Variants in ATRX observed in about 807,000 individuals in gnomAD.
ATRX encodes chromatin remodeler ATRX.
A neutral mutation model predicts 172.6 loss-of-function variants in ATRX; 12 were observed. That is an observed-to-expected ratio of 0.07 (90% CI 0.04 to 0.11). The LOEUF (loss-of-function observed/expected upper bound fraction) is 0.11. Among genes scored for constraint, ATRX ranks in the 10% least tolerant of loss-of-function variants. The pLI is 1.00. For missense variants in ATRX, 1,368 were observed against 1,767.4 expected (o/e 0.77, Z 4.05); for synonymous variants, 674 against 594.7 (o/e 1.13, Z -1.94).
chrX:77,652,549 C>G (rs1417310667), intron 14 of ATRX, among the ~76,000 whole-genome samples, 196 bp from the exon 15 acceptor site: 2 of 107,301 alleles, frequency 1.9e-5, no homozygotes, highest in Non-Finnish European at 3.8e-5. Context: ...CACCTATAAT[C>G]CCAGCACTTT....
intron 25 of ATRX, chrX:77,596,541 T>G (rs2066473959): frequency 9.0e-6 from 1 of 110,949 alleles, no homozygotes; most frequent in African/African-American, 3.3e-5. Flanking sequence ...ACAAATGACT[T>G]ATATTTGACT....
chrX:77,683,431 G>A lies in ATRX; in HGVS notation c.1825C>T (p.Pro609Ser), dbSNP rs186742436. The A allele has an allele frequency of 8.3e-7, 1 of 1,209,534 alleles. No homozygotes were observed. The highest frequency in any genetic ancestry group is 1.8e-5 in the South Asian group (1 of 56,940). The change falls in exon 9 of 35, where the codon CCA becomes TCA. Residue 609 changes from proline (P) to serine (S), a missense_variant. Physicochemically the swap from Pro to Ser is moderately conservative, Grantham distance 74. Transcript: ENST00000373344. ...PIKGADCQEV[P>S]QDKDGYKSCG... Reference sequence around the variant, plus strand: ...CTTTTATAGCCATCTTTATCTTGTGGAACTTCCTGACAATCAGCACCTTTA... The same window carrying A: ...CTTTTATAGCCATCTTTATCTTGTGAAACTTCCTGACAATCAGCACCTTTA...
intron 10 of ATRX, chrX:77,675,595 C>G (rs1341728023): frequency 9.0e-6 from 1 of 111,078 alleles, no homozygotes; most frequent in Non-Finnish European, 1.9e-5. Context: ...CCCAGCCACC[C>G]CTTACTTAAG....
chrX:77,662,292 C>T (rs45460899), intron 12 of ATRX, among the ~76,000 whole-genome samples: 4,134 of 111,483 alleles, frequency 0.037, 111 homozygotes, highest in African/African-American at 0.1. Flanking sequence ...CCTCAATGCC[C>T]ACCATACTGC....
intron 12 of ATRX, among the ~76,000 whole-genome samples, chrX:77,662,150 T>C (rs1177346205): frequency 1.8e-5 from 2 of 111,722 alleles, no homozygotes; most frequent in Admixed American, 1.9e-4. Context: ...TATAATTACG[T>C]TACACAAAAT....
At chrX:77,602,678 A>G (rs2066725950) in intron 22 of ATRX, among the ~76,000 whole-genome samples, 1 of 110,052 alleles carries the variant, frequency 9.1e-6, no homozygotes, top group African/African-American at 3.3e-5. Context: ...GGTTATTTAG[A>G]TATATGTTGT....
chrX:77,740,815 A>T (rs2064925265), intron 1 of ATRX, among the ~76,000 whole-genome samples: 1 of 110,760 alleles, frequency 9.0e-6, no homozygotes, highest in Non-Finnish European at 1.9e-5. Context: ...GGAGGAAAAA[A>T]ATTAAAACAA....
chrX:77,594,055 A>G (rs1350882925), intron 25 of ATRX: 1 of 361,784 alleles, frequency 2.8e-6, no homozygotes, highest in African/African-American at 2.6e-5. Flanking sequence ...AGCTCTAGAT[A>G]GAAAAAGAGA....
chrX:77,720,916 A>C (rs1184994400), intron 1 of ATRX, among the ~76,000 whole-genome samples: 4 of 111,952 alleles, frequency 3.6e-5, no homozygotes, highest in African/African-American at 1.3e-4. Context: ...ACATCGATGC[A>C]AAAATCCTCA....
Position 77,682,054 on chromosome X carries a change from T to C in ATRX, c.3202A>G (p.Thr1068Ala), listed in dbSNP as rs2148579375. ...DELSDYAEKS[T>A]GKGDSCDSSE... ...GAGTCACAACTATCTCCTTTCCCTG[T>C]TGACTTCTCAGCATAATCAGATAAT... is the stretch of plus-strand genomic sequence containing the variant. Residue 1068 changes from threonine to alanine, a missense_variant, in exon 9 of 35, where the codon ACA becomes GCA. By Grantham distance (58) the Thr-to-Ala change is moderately conservative (BLOSUM62 0). Around this residue, in one of 17 missense-constraint regions of ATRX, gnomAD observed 843 missense variants for 643.1 expected, o/e 1.31. Coordinates refer to ENST00000373344, the MANE Select transcript of ATRX (RefSeq NM_000489.6). 1 of 1,211,218 alleles carries C rather than the reference T, an allele frequency of 8.3e-7. No individual in the cohort carries two copies. The highest frequency in any genetic ancestry group is 1.1e-6 in the Non-Finnish European group (1 of 894,990).
intron 9 of ATRX, among the ~76,000 whole-genome samples, chrX:77,678,853 G>A (rs781794480): frequency 2.7e-5 from 3 of 110,095 alleles, no homozygotes; most frequent in East Asian, 5.7e-4. Context: ...AATCTCCTAG[G>A]ACCATGTTCT....
At chrX:77,653,015 A>G (rs1373023190) in intron 14 of ATRX, among the ~76,000 whole-genome samples, 3 of 108,225 alleles carry the variant, frequency 2.8e-5, no homozygotes, top group Non-Finnish European at 3.8e-5. Context: ...AAAAAAAAAA[A>G]AAAAAAGAAA....
rs782313844 is a variant in ATRX, at chrX:77,631,287, CTAAA to C, written c.5134+1916_5134+1919del. Among the ~76,000 whole-genome samples the C allele has an allele frequency of 1.5e-4, 16 of 109,592 alleles. No homozygotes were observed. The South Asian group carries it at 6.2e-3, about 43-fold the overall frequency. On this transcript the variant is annotated intron_variant, in intron 19 of 34. Transcript: ENST00000373344. The stretch of plus-strand genomic sequence containing the variant: ...AGTATATAATTATATAAATCAAAGG[CTAAA>C]TAAATGGGTAAGAAAAGATAATTTT...
intron 2 of ATRX, among the ~76,000 whole-genome samples, chrX:77,701,967 G>A (rs2072549243): frequency 9.0e-6 from 1 of 110,854 alleles, no homozygotes; most frequent in Non-Finnish European, 1.9e-5. Flanking sequence ...TAGGGATGCT[G>A]AGGTAGGAAA....
chrX:77,754,283 T>A (rs2075410393), intron 1 of ATRX, among the ~76,000 whole-genome samples: 1 of 111,566 alleles, frequency 9.0e-6, no homozygotes, highest in Admixed American at 9.5e-5. Flanking sequence ...GGGTCTTGAC[T>A]CTTTATCCAA....
chrX:77,632,060 A>G lies in ATRX; in HGVS notation c.5134+1147T>C, dbSNP rs782476825. Among the ~76,000 whole-genome samples the G allele has an allele frequency of 4.5e-5, 5 of 110,644 alleles. No individual in the cohort carries two copies. In the South Asian group the frequency reaches 1.9e-3, roughly 43 times the overall value. ...GTCACCCAGATGGGAGTGCAGTGGCACAATCTTGGCTCACTGGAACCTCCA... is the reference window on the plus strand; with the variant it reads ...GTCACCCAGATGGGAGTGCAGTGGCGCAATCTTGGCTCACTGGAACCTCCA... On this transcript the variant is annotated intron_variant, in intron 19 of 34. Transcript: ENST00000373344.
intron 28 of ATRX, among the ~76,000 whole-genome samples, chrX:77,563,760 C>A (rs1215228950): frequency 2.8e-5 from 3 of 106,380 alleles, no homozygotes; most frequent in Non-Finnish European, 3.9e-5. Flanking sequence ...ACGGCATTAG[C>A]CTCACTGTGA....
In ATRX at chrX:77,749,002, T is replaced by C. The variant is rs565113129; in HGVS notation, c.21-31759A>G. ...TATTTAGGGGGTACAAGTGCAGATT[T>C]CGTACATGCATATATTGCATGGTGG... On this transcript the variant is annotated intron_variant, in intron 1 of 34. Coordinates refer to ENST00000373344, the MANE Select transcript of ATRX (RefSeq NM_000489.6). Among the ~76,000 whole-genome samples the C allele has an allele frequency of 3.2e-4, 36 of 111,553 alleles. 1 individual carries two copies. The South Asian group carries it at 0.013, about 40-fold the overall frequency.
At chrX:77,541,912 C>T (rs1475497622) in intron 30 of ATRX, among the ~76,000 whole-genome samples, 1 of 111,542 alleles carries the variant, frequency 9.0e-6, no homozygotes, top group African/African-American at 3.3e-5. Context: ...CAGCACAAGA[C>T]AAGGATGCCC....
Sources: allele counts gnomAD v4.1 joint callset (sites outside exome capture counted in the v4.1 genomes callset), GRCh38; gene constraint gnomAD v4.1.1; regional missense constraint gnomAD v4.1.1; transcripts MANE v1.5; gene names NCBI Gene and HGNC (gene_info 2026-07-23, HGNC 2026-07-21).